Variants in NAA11 observed in about 807,000 individuals in gnomAD.
The protein encoded by NAA11 is N-alpha-acetyltransferase 11, NatA catalytic subunit, also known as N-alpha-acetyltransferase 11.
Under a neutral mutation model 16.1 loss-of-function variants are expected in NAA11, and 15 were observed. The observed-to-expected ratio is 0.93, with a 90% CI of 0.62 to 1.44. The LOEUF is 1.44. Among genes scored for constraint, NAA11 ranks in the 40% most tolerant of loss-of-function variants. The pLI is 0.00. For missense variants in NAA11, 298 were observed against 291.3 expected, an observed-to-expected ratio of 1.02 and a Z score of -0.17; for synonymous variants, 122 against 112.4, an observed-to-expected ratio of 1.09 and a Z score of -0.54.
At chr4:79,172,168 T>C in the NAA11 span, among the ~76,000 whole-genome samples, 6 of 152,146 alleles carry the variant, frequency 3.9e-5, no homozygotes, top group Non-Finnish European at 7.4e-5. Flanking sequence ...TTTTATCACT[T>C]ATACGTTGGA....
At chr4:79,202,350 A>G in the NAA11 span, among the ~76,000 whole-genome samples, 1 of 150,468 alleles carries the variant, frequency 6.6e-6, no homozygotes, top group South Asian at 2.1e-4. Context: ...TTCTAATACC[A>G]TTTTCCTCAT....
intron 2 of NAA11, among the ~76,000 whole-genome samples, chr4:79,252,991 G>A (rs1393943594): frequency 1.3e-5 from 2 of 152,208 alleles, no homozygotes; most frequent in African/African-American, 2.4e-5. Context: ...TTGTCAAAGT[G>A]AGAGGTGATA....
chr4:79,264,959 C>T (rs973071508), intron 2 of NAA11, among the ~76,000 whole-genome samples: 2 of 152,134 alleles, frequency 1.3e-5, no homozygotes, highest in Non-Finnish European at 2.9e-5. Context: ...ACCCAATTGC[C>T]TACTCATGTT....
At chr4:79,190,456 C>CTTCTT in the NAA11 span, among the ~76,000 whole-genome samples, 1 of 142,574 alleles carries the variant, frequency 7.0e-6, no homozygotes, top group Non-Finnish European at 1.5e-5. Context: ...TTGTCTCTCC[C>CTTCTT]TTTTTTTTTT....
chr4:79,219,672 C>T, the NAA11 span, among the ~76,000 whole-genome samples: 2 of 151,976 alleles, frequency 1.3e-5, no homozygotes. Flanking sequence ...ACATATATAC[C>T]TCCATTTCAC....
chr4:79,170,788 C>G, the NAA11 span, among the ~76,000 whole-genome samples: 1 of 149,672 alleles, frequency 6.7e-6, no homozygotes, highest in Non-Finnish European at 1.5e-5. Flanking sequence ...CATCTGTGAT[C>G]TAAGTTTTTT....
the NAA11 span, among the ~76,000 whole-genome samples, chr4:79,160,324 A>G: frequency 1.3e-5 from 2 of 152,302 alleles, no homozygotes; most frequent in South Asian, 4.1e-4. Context: ...ATTATAAATA[A>G]TCCTGCTTAA....
At chr4:79,208,248 A>T in the NAA11 span, among the ~76,000 whole-genome samples, 1 of 152,134 alleles carries the variant, frequency 6.6e-6, no homozygotes, top group Non-Finnish European at 1.5e-5. Flanking sequence ...TTTAAACTCT[A>T]TAAGCCTCAG....
the NAA11 span, among the ~76,000 whole-genome samples, chr4:79,177,278 G>A: frequency 6.6e-6 from 1 of 151,438 alleles, no homozygotes; most frequent in Non-Finnish European, 1.5e-5. Context: ...CTTCCCTTTG[G>A]GAGCATCTGA....
At chr4:79,168,733 G>A in the NAA11 span, among the ~76,000 whole-genome samples, 2 of 152,030 alleles carry the variant, frequency 1.3e-5, no homozygotes, top group Admixed American at 1.3e-4. Context: ...TTTATTTCTT[G>A]TAAATTTGTT....
At chr4:79,295,763 G>A (rs1441001958) in intron 1 of NAA11, among the ~76,000 whole-genome samples, 1 of 152,148 alleles carries the variant, frequency 6.6e-6, no homozygotes, top group Non-Finnish European at 1.5e-5. Context: ...AACTAGTCAA[G>A]GATAAAGTAT....
chr4:79,183,922 T>G, the NAA11 span, among the ~76,000 whole-genome samples: 1 of 152,310 alleles, frequency 6.6e-6, no homozygotes, highest in Admixed American at 6.5e-5. Flanking sequence ...TCAAGTTATG[T>G]CACATGCTGA....
At chr4:79,163,273 G>A in the NAA11 span, among the ~76,000 whole-genome samples, 14,899 of 152,166 alleles carry the variant, frequency 0.098, 974 homozygotes, top group African/African-American at 0.18. Flanking sequence ...GTGCATTTCC[G>A]CAGTTGTACA....
At chr4:79,197,216 G>T in the NAA11 span, among the ~76,000 whole-genome samples, 1 of 151,858 alleles carries the variant, frequency 6.6e-6, no homozygotes, top group Non-Finnish European at 1.5e-5. Context: ...GCTTACTAAA[G>T]AGGAATATGA....
the NAA11 span, among the ~76,000 whole-genome samples, chr4:79,210,941 C>T: frequency 1.3e-5 from 2 of 152,078 alleles, no homozygotes; most frequent in African/African-American, 4.8e-5. Flanking sequence ...AAAGTGGATG[C>T]CTGGGTCTTT....
the NAA11 span, among the ~76,000 whole-genome samples, chr4:79,166,244 C>T: frequency 5.3e-5 from 8 of 152,070 alleles, no homozygotes; most frequent in African/African-American, 7.2e-5. Flanking sequence ...TCTCTAACCA[C>T]GGTTTTTTCC....
At chr4:79,184,461 C>T in the NAA11 span, among the ~76,000 whole-genome samples, 1 of 152,134 alleles carries the variant, frequency 6.6e-6, no homozygotes, top group Non-Finnish European at 1.5e-5. Context: ...GTTGAAATCA[C>T]AGGTGAAGCA....
chr4:79,324,468 G>A (rs1353223660), intron 1 of NAA11, among the ~76,000 whole-genome samples: 3 of 152,048 alleles, frequency 2.0e-5, no homozygotes, highest in African/African-American at 7.2e-5. Flanking sequence ...CTTTTTTTGT[G>A]TGTGTGCCAT....
In NAA11 at chr4:79,284,381, G is replaced by A. The variant is rs73828244; in HGVS notation, c.*122+9624C>T. Among the ~76,000 whole-genome samples, 1,239 of 152,048 alleles carry A rather than the reference G, an allele frequency of 8.1e-3. 25 individuals are homozygous for A. The highest frequency in any genetic ancestry group is 0.028 in the African/African-American group (1,167 of 41,504). On this transcript the variant is annotated intron_variant and NMD_transcript_variant, in intron 2 of 2. Coordinates refer to the NAA11 transcript ENST00000511542. ...TGCTTTTCTATTTACTTCTTAAATC[G>A]AATCTTGACTGTCATAGGGTATCTT... is the stretch of plus-strand genomic sequence containing the variant.
Sources: allele counts gnomAD v4.1 joint callset (sites outside exome capture counted in the v4.1 genomes callset), GRCh38; gene constraint gnomAD v4.1.1; transcripts MANE v1.5; gene names NCBI Gene and HGNC (gene_info 2026-07-23, HGNC 2026-07-21).